Variants in CFAP157 observed in about 807,000 individuals in gnomAD.
CFAP157 encodes the protein cilia and flagella associated protein 157.
In CFAP157, 43 loss-of-function variants were observed where a neutral mutation model predicts 57.8. The observed-to-expected ratio is 0.74, with a 90% confidence interval of 0.58 to 0.96. CFAP157 has a LOEUF of 0.96. CFAP157 is among the 40% of genes least tolerant of loss of function. The pLI, the probability that CFAP157 is intolerant of heterozygous loss-of-function variation, is 0.00. For missense variants in CFAP157, 606 were observed against 655.3 expected, an observed-to-expected ratio of 0.92 and a Z score of 0.82; for synonymous variants, 267 against 269.0, an observed-to-expected ratio of 0.99 and a Z score of 0.07.
Position 127,711,437 on chromosome 9 carries a change from C to G in CFAP157, c.796C>G (p.Leu266Val), listed in dbSNP as rs1317223386. Reference sequence around the variant, plus strand: ...AAGACAGAACAATCTGTGCAAACAGCTGGAGCTGCTGGAGAACACCCAGAA... The same window carrying G: ...AAGACAGAACAATCTGTGCAAACAGGTGGAGCTGCTGGAGAACACCCAGAA... ...KGRQNNLCKQLELLENTQKVM... is the reference protein window; with the variant it reads ...KGRQNNLCKQVELLENTQKVM... Residue 266 changes from leucine (L) to valine (V), a missense_variant, in exon 4 of 9, where the codon CTG (leucine) becomes GTG (valine). Transcript: ENST00000373295. 1.2e-6 allele frequency: 2 copies of G among 1,614,102 alleles called. No individual in the cohort carries two copies. The highest frequency in any genetic ancestry group is 1.7e-5 in the Admixed American group (1 of 60,024).
rs760133377 is a variant in CFAP157 at position 127,715,564 on chromosome 9, G to A, written c.*1659G>A. ...CTCACCATCCACCGCTTCCCCGGGG[G>A]GCGAGGCTCCAAAACACATCGGCTC... is the stretch of plus-strand genomic sequence containing the variant. On this transcript the variant is annotated 3_prime_UTR_variant, in exon 9 of 9. Transcript: ENST00000373295. The surrounding 1 kb of genome is among the most constrained non-coding windows in gnomAD (Gnocchi z 5.8). 4.2e-5 allele frequency: 68 copies of A among 1,613,428 alleles called. No homozygotes were observed. The highest frequency in any genetic ancestry group is 8.3e-5 in the Admixed American group (5 of 60,006).
chr9:127,715,578 A>T lies in CFAP157; in HGVS notation c.*1673A>T, dbSNP rs763297966. ...CTTCCCCGGGGGGCGAGGCTCCAAA[A>T]CACATCGGCTCATGGCTCTACTCAG... is the stretch of plus-strand genomic sequence containing the variant. On this transcript the variant is annotated 3_prime_UTR_variant, in exon 9 of 9. Transcript: ENST00000373295. The surrounding 1 kb of genome is among the most constrained non-coding windows in gnomAD (Gnocchi z 5.8). The T allele has an allele frequency of 9.9e-6, 16 of 1,613,346 alleles. No homozygotes were observed. Among genetic ancestry groups the T allele is most frequent in the African/African-American group, 1.3e-5 (1 of 74,930 alleles).
intron 3 of CFAP157, 108 bp from the exon 4 acceptor site, chr9:127,711,121 C>A: frequency 7.3e-7 from 1 of 1,372,306 alleles, no homozygotes; most frequent in Non-Finnish European, 9.9e-7. Flanking sequence ...AGGGAGAGAG[C>A]ATGCTGGTGT....
Position 127,714,818 on chromosome 9 carries a change from G to GC in CFAP157, c.*919dup, listed in dbSNP as rs1331404099. On this transcript the variant is annotated 3_prime_UTR_variant, in exon 9 of 9. Transcript: ENST00000373295. ...CCACTTCACATATAAAGAAACTGAG[G>GC]CCCCCCGAAGTACCCAAAGCCATGC... 11 of 1,083,208 alleles carry GC rather than the reference G, an allele frequency of 1.0e-5. No homozygotes were observed. The Admixed American group carries it at 1.4e-4, about 14-fold the overall frequency. The allele number at this position is 1,083,208 out of a possible 1,614,324, so 67.1% of individuals were successfully genotyped here.
Position 127,714,761 on chromosome 9 carries a change from C to T in CFAP157, c.*856C>T. On this transcript the variant is annotated 3_prime_UTR_variant, in exon 9 of 9. Coordinates refer to ENST00000373295, the MANE Select transcript of CFAP157 (RefSeq NM_001012502.3). The stretch of plus-strand genomic sequence containing the variant: ...CCCATCTGCCCAGAGAGGCACTGTC[C>T]CGACTCCCATGATGAGGGACCACAA... 1 of 1,419,264 alleles carries T rather than the reference C, an allele frequency of 7.0e-7. No individual in the cohort carries two copies. Among genetic ancestry groups the T allele is most frequent in the Non-Finnish European group, 9.8e-7 (1 of 1,021,252 alleles). 87.9% of individuals were successfully genotyped at this position (1,419,264 alleles called of 1,614,324 possible). A position where few individuals can be genotyped will look rare whatever the true frequency, so the allele number is the denominator to read the frequency against.
Position 127,714,051 on chromosome 9 carries a change from G to A in CFAP157, c.*146G>A, listed in dbSNP as rs1436740092. The A allele has an allele frequency of 6.3e-7, 1 of 1,597,010 alleles. No homozygotes were observed. The highest frequency in any genetic ancestry group is 1.1e-5 in the South Asian group (1 of 90,374). On this transcript the variant is annotated 3_prime_UTR_variant, in exon 9 of 9. Transcript: ENST00000373295. ...CTGGCGTGGCAGCTCTGTGGCAGTG[G>A]CTGGGTTGGTGGGCACTACAGTCAG...
In CFAP157 at chr9:127,709,348, G is replaced by T; in HGVS notation, c.162-74G>T. On this transcript the variant is annotated intron_variant, in intron 1 of 8. Transcript: ENST00000373295. This position sits in a 1 kb window ranked among gnomAD's most constrained non-coding sequence, Gnocchi z 4.7. Reference sequence around the variant, plus strand: ...CCTTTACGGGACAGGGAGTCCAGGAGAGTGGGCCCAGCTGCACCAGAGGCC... The same window carrying T: ...CCTTTACGGGACAGGGAGTCCAGGATAGTGGGCCCAGCTGCACCAGAGGCC... 1 of 1,497,374 alleles carries T rather than the reference G, an allele frequency of 6.7e-7. No individual in the cohort carries two copies. The highest frequency in any genetic ancestry group is 1.9e-5 in the Admixed American group (1 of 51,624). The allele number at this position is 1,497,374 out of a possible 1,614,324, so 92.8% of individuals were successfully genotyped here.
Position 127,709,800 on chromosome 9 carries a change from C to G in CFAP157, c.433+107C>G, listed in dbSNP as rs1842723594. 1.6e-6 allele frequency: 2 copies of G among 1,235,500 alleles called. No homozygotes were observed. Among genetic ancestry groups the G allele is most frequent in the African/African-American group, 3.0e-5 (2 of 66,056 alleles). The allele number at this position is 1,235,500 out of a possible 1,614,324, so 76.5% of individuals were successfully genotyped here. ...GATAATAGCCACATGCTGCTTGGCACACACTGTCTTCCTTAATTGTCCCAG... is the reference window on the plus strand; with the variant it reads ...GATAATAGCCACATGCTGCTTGGCAGACACTGTCTTCCTTAATTGTCCCAG... On this transcript the variant is annotated intron_variant, in intron 2 of 8. Transcript: ENST00000373295. This position sits in a 1 kb window ranked among gnomAD's most constrained non-coding sequence, Gnocchi z 4.7.
At position 127,714,917 on chromosome 9, in the gene CFAP157, C is replaced by CCCCCCCCCACCCCCCCCCCCAAT; in HGVS notation, c.*1012_*1013insCCCCCCCCACCCCCCCCCCCAAT. ...ACAGCCAGTGCTCCCCTCTGGCCCC[C>CCCCCCCCCACCCCCCCCCCCAAT]GCGCCCCAACCCCCACCCCCTTGGC... On this transcript the variant is annotated 3_prime_UTR_variant, in exon 9 of 9. Coordinates refer to ENST00000373295, the MANE Select transcript of CFAP157 (RefSeq NM_001012502.3). The CCCCCCCCCACCCCCCCCCCCAAT allele has an allele frequency of 1.3e-6, 1 of 799,026 alleles. No individual in the cohort carries two copies. Among genetic ancestry groups the CCCCCCCCCACCCCCCCCCCCAAT allele is most frequent in the Non-Finnish European group, 2.0e-6 (1 of 512,650 alleles). 49.5% of individuals were successfully genotyped at this position (799,026 alleles called of 1,614,324 possible).
At position 127,714,637 on chromosome 9, in the gene CFAP157, C is replaced by T. The variant is rs770444188; in HGVS notation, c.*732C>T. ...CCCCCCAGCTTCAGAGCCAGTCTCC[C>T]CAGGGGCTTGTCCAGCTCATCATGC... On this transcript the variant is annotated 3_prime_UTR_variant, in exon 9 of 9. Coordinates refer to ENST00000373295, the MANE Select transcript of CFAP157 (RefSeq NM_001012502.3). The T allele has an allele frequency of 4.3e-6, 7 of 1,614,012 alleles. No individual in the cohort carries two copies. In the Admixed American group the frequency reaches 1.0e-4, roughly 23 times the overall value.
chr9:127,715,352 C>A lies in CFAP157; in HGVS notation c.*1447C>A. 8.1e-7 allele frequency: 1 copy of A among 1,229,914 alleles called. No homozygotes were observed. The highest frequency in any genetic ancestry group is 1.2e-6 in the Non-Finnish European group (1 of 866,254). 76.2% of individuals were successfully genotyped at this position (1,229,914 alleles called of 1,614,324 possible). A position where few individuals can be genotyped will look rare whatever the true frequency, so the allele number is the denominator to read the frequency against. ...GGCCCAGAAACCCGACCCCTGAGAA[C>A]TCCAGAAGGCTGGGCAGGCAGGGCG... On this transcript the variant is annotated 3_prime_UTR_variant, in exon 9 of 9. Transcript: ENST00000373295. The surrounding 1 kb of genome is among the most constrained non-coding windows in gnomAD (Gnocchi z 5.8).
intron 1 of CFAP157, among the ~76,000 whole-genome samples, chr9:127,707,886 T>C (rs763889677): frequency 1.3e-5 from 2 of 152,210 alleles, no homozygotes; most frequent in Non-Finnish European, 2.9e-5. Flanking sequence ...AGGTGACTGA[T>C]GCTGTGGGTG....
Position 127,709,575 on chromosome 9 carries a change from C to A in CFAP157, c.315C>A (p.Leu105=). The A allele has an allele frequency of 6.2e-7, 1 of 1,614,078 alleles. No individual in the cohort carries two copies. Among genetic ancestry groups the A allele is most frequent in the Non-Finnish European group, 8.5e-7 (1 of 1,180,036 alleles). ...AGATCACAGACCTCAACGAGCAGCT[C>A]CAGAACTTGCAGCTAGCCAAAGAGA... ...VDEITDLNEQ[L]QNLQLAKEME... Residue 105 remains leucine, a synonymous_variant, in exon 2 of 9, where the codon CTC becomes CTA. Transcript: ENST00000373295. This position sits in a 1 kb window ranked among gnomAD's most constrained non-coding sequence, Gnocchi z 4.7.
chr9:127,713,346 A>G, intron 8 of CFAP157, 140 bp downstream of exon 8: 5 of 685,720 alleles, frequency 7.3e-6, no homozygotes, highest in Admixed American at 3.5e-5. Flanking sequence ...AAATGGGCTG[A>G]AGAAAGGAGT....
Position 127,710,639 on chromosome 9 carries a change from A to T in CFAP157, c.472A>T (p.Lys158Ter), listed in dbSNP as rs1382814734. 1 of 1,587,230 alleles carries T rather than the reference A, an allele frequency of 6.3e-7. No homozygotes were observed. Among genetic ancestry groups the T allele is most frequent in the Admixed American group, 1.8e-5 (1 of 55,752 alleles). ...AGCCCTGGAGGAGTTCCGGCTGCAG[A>T]AAGAGGAGGTCACGGACAAGTTCAC... ...LAALEEFRLQ[K>*]EEVTDKFTLL... Residue 158 changes from lysine (K) to a stop codon, truncating the protein, a stop_gained, in exon 3 of 9, where the codon AAA (lysine) becomes TAA (stop). Coordinates refer to ENST00000373295, the MANE Select transcript of CFAP157 (RefSeq NM_001012502.3). LOFTEE classifies it high-confidence loss of function.
At chr9:127,712,378 A>G (rs1387765071) in intron 6 of CFAP157, 29 bp downstream of exon 6, 1 of 1,611,668 alleles carries the variant, frequency 6.2e-7, no homozygotes, top group Admixed American at 1.7e-5. Context: ...GGGAGGGCGC[A>G]AGGGGAGGGG....
In CFAP157 at chr9:127,709,661, A is replaced by G; in HGVS notation, c.401A>G (p.Lys134Arg). 6.2e-7 allele frequency: 1 copy of G among 1,613,738 alleles called. No homozygotes were observed. The highest frequency in any genetic ancestry group is 1.1e-5 in the South Asian group (1 of 91,076). Residue 134 changes from lysine (K) to arginine (R), a missense_variant, in exon 2 of 9, where the codon AAG (lysine) becomes AGG (arginine). Physicochemically the swap from Lys to Arg is conservative, Grantham distance 26 (BLOSUM62 2). Transcript: ENST00000373295. The surrounding 1 kb of genome is among the most constrained non-coding windows in gnomAD (Gnocchi z 4.7). ...GTGCGCCACGAGTTCCAGGAGACCA[A>G]GGACCAGCTCACCACGGAGAACATC... is the stretch of plus-strand genomic sequence containing the variant. Reference protein sequence around the residue: ...AQVRHEFQETKDQLTTENIIL... With the variant: ...AQVRHEFQETRDQLTTENIIL...
At chr9:127,711,605 C>T (rs778492399) in intron 4 of CFAP157, 109 bp downstream of exon 4, 5 of 1,403,004 alleles carry the variant, frequency 3.6e-6, no homozygotes, top group Non-Finnish European at 3.8e-6. Flanking sequence ...GGGAGGGAGG[C>T]AGCAGAGAGA....
chr9:127,712,681 C>T (rs375679788), intron 6 of CFAP157, 28 bp from the exon 7 acceptor site: 95 of 1,613,872 alleles, frequency 5.9e-5, no homozygotes, highest in Non-Finnish European at 7.8e-5. Context: ...CCACTGTGGG[C>T]CTGCTGCCAC....
Sources: allele counts gnomAD v4.1 joint callset (sites outside exome capture counted in the v4.1 genomes callset), GRCh38; gene constraint gnomAD v4.1.1; non-coding constraint Gnocchi (gnomAD v3.1); transcripts MANE v1.5; gene names NCBI Gene and HGNC (gene_info 2026-07-23, HGNC 2026-07-21).